HERC5: variants seen among roughly 807,000 people sequenced by gnomAD.
HERC5 encodes the protein E3 ISG15--protein ligase HERC5.
Under a neutral mutation model 119.6 loss-of-function variants are expected in HERC5, and 99 were observed. That is an observed-to-expected ratio of 0.83 (90% confidence interval 0.70 to 0.98). The LOEUF (loss-of-function observed/expected upper bound fraction) is 0.98, where lower values mean the gene tolerates loss of function less well. Among genes scored for constraint, HERC5 ranks in the 50% least tolerant of loss-of-function variants. HERC5 has a pLI of 0.00. For missense variants in HERC5, 1,267 were observed against 1,241.3 expected, an observed-to-expected ratio of 1.02 and a Z score of -0.31; for synonymous variants, 478 against 445.9, an observed-to-expected ratio of 1.07 and a Z score of -0.91.
intron 12 of HERC5, among the ~76,000 whole-genome samples, chr4:88,476,944 G>A (rs1741083971): frequency 6.7e-6 from 1 of 150,352 alleles, no homozygotes; most frequent in Non-Finnish European, 1.5e-5. Flanking sequence ...ATGGAATCCT[G>A]TATTACCCTG....
At chr4:88,494,044 T>G in intron 17 of HERC5, 121 bp from the exon 18 acceptor site, 1 of 607,840 alleles carries the variant, frequency 1.6e-6, no homozygotes, top group Non-Finnish European at 2.6e-6. Context: ...TATCTCAGGC[T>G]TTAAATTTTT....
rs1386002935 is a variant in HERC5 at position 88,478,314 on chromosome 4, A to G, written c.1583-1039A>G. Among the ~76,000 whole-genome samples the G allele has an allele frequency of 2.0e-5, 3 of 152,320 alleles. No homozygotes were observed. In the East Asian group the frequency reaches 5.8e-4, roughly 29 times the overall value. On this transcript the variant is annotated intron_variant, in intron 12 of 22. Transcript: ENST00000264350. ...CTAAAATATTTTGTTATGTGTATCA[A>G]AAAATTTTGGCTACTTTTTACCTTC...
intron 15 of HERC5, among the ~76,000 whole-genome samples, chr4:88,488,260 C>T (rs1291999624): frequency 7.0e-6 from 1 of 143,338 alleles, no homozygotes; most frequent in Non-Finnish European, 1.5e-5. Flanking sequence ...GAGAGAGAGT[C>T]TCCCTCTGTT....
At position 88,460,089 on chromosome 4, in the gene HERC5, C is replaced by T; in HGVS notation, c.390-6C>T. ...GATTAACACAAAGTGTATTTTCCTT[C>T]ATCAGGTTTGAAAGCATTTTACAAG... On this transcript the variant is annotated splice_polypyrimidine_tract_variant and splice_region_variant and intron_variant, in intron 2 of 22. Transcript: ENST00000264350. 1 of 1,482,468 alleles carries T rather than the reference C, an allele frequency of 6.7e-7. No homozygotes were observed. Among genetic ancestry groups the T allele is most frequent in the Admixed American group, 1.7e-5 (1 of 58,680 alleles). The allele number at this position is 1,482,468 out of a possible 1,614,324, so 91.8% of individuals were successfully genotyped here.
At chr4:88,478,997 A>G (rs1741176361) in intron 12 of HERC5, among the ~76,000 whole-genome samples, 1 of 151,568 alleles carries the variant, frequency 6.6e-6, no homozygotes, top group Non-Finnish European at 1.5e-5. Flanking sequence ...CCTCAAATAT[A>G]CCCAATAAGC....
rs58490237 is a variant in HERC5, at chr4:88,505,919, CGTT to C, written c.*66_*68del. ...AACAGCCTTATTTTGTTGTTGTTAT[CGTT>C]GTTGTTGTTGTTGTTGTTGTTGTTT... On this transcript the variant is annotated 3_prime_UTR_variant, in exon 23 of 23. Coordinates refer to ENST00000264350, the MANE Select transcript of HERC5 (RefSeq NM_016323.4). 37,014 of 1,418,804 alleles carry C rather than the reference CGTT, an allele frequency of 0.026. 576 individuals are homozygous for C. Among genetic ancestry groups the C allele is most frequent in the Middle Eastern group, 0.035 (145 of 4,156 alleles). 87.9% of individuals were successfully genotyped at this position (1,418,804 alleles called of 1,614,324 possible).
chr4:88,471,369 C>T (rs544560927), intron 10 of HERC5, among the ~76,000 whole-genome samples: 2 of 151,442 alleles, frequency 1.3e-5, no homozygotes, highest in East Asian at 3.9e-4. Context: ...GACAAGGTCT[C>T]ACTCCATCAC....
rs73841945 is a variant in HERC5 at position 88,472,757 on chromosome 4, A to G, written c.1392+255A>G. On this transcript the variant is annotated intron_variant, in intron 11 of 22. Coordinates refer to ENST00000264350, the MANE Select transcript of HERC5 (RefSeq NM_016323.4). The stretch of plus-strand genomic sequence containing the variant: ...CACACATACACATATATGCATACAC[A>G]TTCGTAGAGGGAAGTTTTTCAACTC... 9.2e-3 allele frequency among the ~76,000 whole-genome samples: 1,395 copies of G among 152,326 alleles called. 25 individuals are homozygous for G. Among genetic ancestry groups the G allele is most frequent in the African/African-American group, 0.031 (1,294 of 41,562 alleles).
At chr4:88,464,057 CT>C in intron 6 of HERC5, 72 bp downstream of exon 6, 1 of 1,322,078 alleles carries the variant, frequency 7.6e-7, no homozygotes. Flanking sequence ...AATAAAATTT[CT>C]TTCAGTTTCT....
chr4:88,457,447 C>T lies in HERC5; in HGVS notation c.178C>T (p.Pro60Ser). ...GGTGACGCGCCAACTCTGCTGCTCG[C>T]CGGGGCGCCTCGCGGTCTTGGAACG... is the stretch of plus-strand genomic sequence containing the variant. ...VEVTRQLCCSPGRLAVLERGG... is the reference protein window; with the variant it reads ...VEVTRQLCCSSGRLAVLERGG... The change falls in exon 1 of 23, where the codon CCG becomes TCG. Residue 60 changes from proline to serine, a missense_variant. Transcript: ENST00000264350. 1 of 1,350,304 alleles carries T rather than the reference C, an allele frequency of 7.4e-7. No individual in the cohort carries two copies. Among genetic ancestry groups the T allele is most frequent in the South Asian group, 1.9e-5 (1 of 51,358 alleles). 83.6% of individuals were successfully genotyped at this position (1,350,304 alleles called of 1,614,324 possible).
At position 88,479,506 on chromosome 4, in the gene HERC5, G is replaced by GGGT; in HGVS notation, c.1737_1737+2dup. 1 of 1,568,112 alleles carries GGGT rather than the reference G, an allele frequency of 6.4e-7. No homozygotes were observed. Among genetic ancestry groups the GGGT allele is most frequent in the Non-Finnish European group, 8.6e-7 (1 of 1,162,530 alleles). ...CTAGAAATGTTGAAGAAGCTGCACA[G>GGGT]GGTAAGAGTTCCTTTAGAAACCTCT... On this transcript the variant is annotated inframe_insertion and splice_region_variant, in exon 13 of 23. Coordinates refer to ENST00000264350, the MANE Select transcript of HERC5 (RefSeq NM_016323.4).
chr4:88,481,165 A>C (rs1741264033), intron 13 of HERC5, among the ~76,000 whole-genome samples: 2 of 152,106 alleles, frequency 1.3e-5, no homozygotes, highest in Non-Finnish European at 2.9e-5. Flanking sequence ...TGATCCTCCC[A>C]CTTCAGCCTC....
intron 17 of HERC5, among the ~76,000 whole-genome samples, chr4:88,493,356 C>T (rs1741704237): frequency 6.6e-6 from 1 of 152,028 alleles, no homozygotes; most frequent in African/African-American, 2.4e-5. Context: ...CTGTTCACAT[C>T]GAACTCAAGC....
At chr4:88,504,827 A>C (rs1163876986) in intron 22 of HERC5, among the ~76,000 whole-genome samples, 5 of 152,150 alleles carry the variant, frequency 3.3e-5, no homozygotes, top group Non-Finnish European at 5.9e-5. Flanking sequence ...TCGTTTCTTC[A>C]TCCAAGCTAA....
intron 12 of HERC5, among the ~76,000 whole-genome samples, chr4:88,477,144 T>C (rs1741091855): frequency 1.4e-5 from 2 of 140,868 alleles, no homozygotes; most frequent in African/African-American, 5.4e-5. Flanking sequence ...ACTTCATCTC[T>C]ACTAAAAATA....
intron 16 of HERC5, among the ~76,000 whole-genome samples, chr4:88,490,802 C>A (rs1283327518): frequency 3.9e-5 from 6 of 152,004 alleles, no homozygotes; most frequent in African/African-American, 1.5e-4. Context: ...CCAAGATTAC[C>A]CCACTGCACT....
chr4:88,502,093 CG>C (rs1185375376), intron 20 of HERC5, among the ~76,000 whole-genome samples: 12 of 151,880 alleles, frequency 7.9e-5, no homozygotes, highest in Admixed American at 1.3e-4. Flanking sequence ...CCACTGCGCC[CG>C]GCCTATCTGT....
At chr4:88,463,662 A>G (rs768605228) in intron 5 of HERC5, 39 bp downstream of exon 5, 1 of 1,557,660 alleles carries the variant, frequency 6.4e-7, no homozygotes, top group South Asian at 1.1e-5. Flanking sequence ...GTATTTTTAG[A>G]AGAACAGTTT....
intron 13 of HERC5, among the ~76,000 whole-genome samples, chr4:88,484,769 C>G (rs992186033): frequency 3.9e-5 from 6 of 152,216 alleles, no homozygotes; most frequent in Non-Finnish European, 2.9e-5. Context: ...TGCCTCCTTT[C>G]CCCAAAGCCC....
Sources: gnomAD v4.1 joint callset for allele counts (sites outside exome capture counted in the v4.1 genomes callset) on GRCh38, gnomAD v4.1.1 for gene constraint, MANE v1.5 for transcripts, NCBI Gene and HGNC (gene_info 2026-07-23, HGNC 2026-07-21) for gene names.